SLTM: variants seen among roughly 807,000 people sequenced by gnomAD.
The protein encoded by SLTM is SAFB like transcription modulator.
Under a neutral mutation model 134.6 loss-of-function variants are expected in SLTM, and 43 were observed. The observed-to-expected ratio is 0.32, with a 90% CI of 0.25 to 0.41. SLTM has a LOEUF of 0.41. Ranked by LOEUF, SLTM falls within the 10% of genes least tolerant of loss-of-function variation. SLTM has a pLI of 1.00. For synonymous variants in SLTM, 424 were observed against 432.3 expected (o/e 0.98, Z 0.24); for missense variants, 1,055 against 1,288.8 (o/e 0.82, Z 2.78).
chr15:58,930,033 T>C (rs1359864915), intron 2 of SLTM, among the ~76,000 whole-genome samples: 1 of 152,154 alleles, frequency 6.6e-6, no homozygotes, highest in Non-Finnish European at 1.5e-5. Flanking sequence ...TTCATAACAA[T>C]GATAGCCGGA....
chr15:58,932,475 C>CA, intron 1 of SLTM, 32 bp from the exon 2 acceptor site: 1 of 1,438,080 alleles, frequency 7.0e-7, no homozygotes, highest in Non-Finnish European at 9.8e-7. Context: ...ATATGCTACA[C>CA]AATCTATCTA....
At chr15:58,889,984 G>A in intron 15 of SLTM, 1 of 415,992 alleles carries the variant, frequency 2.4e-6, no homozygotes, top group Non-Finnish European at 4.3e-6. Flanking sequence ...TTCTAAGACT[G>A]GGATAGTGAC....
intron 3 of SLTM, among the ~76,000 whole-genome samples, chr15:58,914,533 G>A (rs2036497894): frequency 6.6e-6 from 1 of 152,184 alleles, no homozygotes; most frequent in African/African-American, 2.4e-5. Context: ...TCCTTGGGGA[G>A]CAGGGGATCT....
In SLTM at chr15:58,912,398, C is replaced by T. The variant is rs561031974; in HGVS notation, c.561+165G>A. 4.6e-5 allele frequency among the ~76,000 whole-genome samples: 7 copies of T among 152,176 alleles called. No individual in the cohort carries two copies. In the South Asian group the frequency reaches 6.2e-4, roughly 14 times the overall value. ...ACAGGCGTGAGCTACCTAGCGCGCCCGACCTTGCCAATAGTTTTAAGTACT... is the reference window on the plus strand; with the variant it reads ...ACAGGCGTGAGCTACCTAGCGCGCCTGACCTTGCCAATAGTTTTAAGTACT... On this transcript the variant is annotated intron_variant, in intron 5 of 20. Coordinates refer to ENST00000380516, the MANE Select transcript of SLTM (RefSeq NM_024755.4).
chr15:58,904,905 T>C (rs2035764965), intron 5 of SLTM, among the ~76,000 whole-genome samples: 1 of 152,104 alleles, frequency 6.6e-6, no homozygotes, highest in Non-Finnish European at 1.5e-5. Flanking sequence ...GAGATGGGGT[T>C]TCACCTTGTT....
rs1310963046 is a variant in SLTM, at chr15:58,899,137, G to C, written c.1059-285C>G. 2.9e-5 allele frequency: 12 copies of C among 419,708 alleles called. No homozygotes were observed. Among genetic ancestry groups the C allele is most frequent in the African/African-American group, 2.3e-4 (11 of 47,206 alleles). The allele number at this position is 419,708 out of a possible 1,614,324, so 26.0% of individuals were successfully genotyped here. A position where few individuals can be genotyped will look rare whatever the true frequency, so the allele number is the denominator to read the frequency against. ...GACTTGACTTCATTTTGTGTTCTTAGAACTGATAGTTGTTCATTAACCATC... is the reference window on the plus strand; with the variant it reads ...GACTTGACTTCATTTTGTGTTCTTACAACTGATAGTTGTTCATTAACCATC... On this transcript the variant is annotated intron_variant, in intron 7 of 20. Transcript: ENST00000380516. This position sits in a 1 kb window ranked among gnomAD's most constrained non-coding sequence, Gnocchi z 5.0.
intron 20 of SLTM, among the ~76,000 whole-genome samples, chr15:58,880,996 C>T (rs950733744): frequency 2.0e-5 from 3 of 151,684 alleles, no homozygotes; most frequent in African/African-American, 7.3e-5. Flanking sequence ...GTTAGTAACA[C>T]AAAAAAGCAG....
intron 2 of SLTM, among the ~76,000 whole-genome samples, chr15:58,921,034 A>G (rs975601919): frequency 2.6e-5 from 4 of 152,214 alleles, no homozygotes; most frequent in African/African-American, 9.6e-5. Context: ...GACAAATTGC[A>G]TAGTATGCAC....
chr15:58,914,319 G>C (rs11636723), intron 3 of SLTM, among the ~76,000 whole-genome samples: 30,331 of 152,196 alleles, frequency 0.2, 3,316 homozygotes, highest in South Asian at 0.43. Context: ...TAAATGAAGA[G>C]AAAAGGGGTG....
At position 58,880,094 on chromosome 15, in the gene SLTM, T is replaced by C. The variant is rs539327477; in HGVS notation, c.3010A>G (p.Ile1004Val). 87 of 1,613,548 alleles carry C rather than the reference T, an allele frequency of 5.4e-5. No homozygotes were observed. Among genetic ancestry groups the C allele is most frequent in the South Asian group, 3.9e-4 (35 of 90,884 alleles). The change falls in exon 21 of 21, where the codon ATT becomes GTT. Residue 1004 changes from isoleucine (I) to valine (V), a missense_variant. Physicochemically the swap from Ile to Val is conservative, Grantham distance 29. Coordinates refer to ENST00000380516, the MANE Select transcript of SLTM (RefSeq NM_024755.4). Reference sequence around the variant, plus strand: ...CCACTGATTTGTACAATTCTATTAATTGGGGATGCGTTACTGAAAAAGGTT... The same window carrying C: ...CCACTGATTTGTACAATTCTATTAACTGGGGATGCGTTACTGAAAAAGGTT... ...ITQHSSNASPINRIVQISGNS... is the reference protein window; with the variant it reads ...ITQHSSNASPVNRIVQISGNS...
At chr15:58,901,547 A>T (rs191332157) in intron 5 of SLTM, among the ~76,000 whole-genome samples, 2 of 152,236 alleles carry the variant, frequency 1.3e-5, no homozygotes, top group African/African-American at 4.8e-5. Context: ...TAGTTTCACT[A>T]TTCAAAACTA....
intron 2 of SLTM, among the ~76,000 whole-genome samples, chr15:58,921,052 G>A (rs977563173): frequency 1.3e-5 from 2 of 152,172 alleles, no homozygotes; most frequent in Non-Finnish European, 2.9e-5. Context: ...CACACTCTGT[G>A]TCGAATTTCT....
chr15:58,894,216 A>G, intron 10 of SLTM, 23 bp from the exon 11 acceptor site: 1 of 1,548,004 alleles, frequency 6.5e-7, no homozygotes, highest in Non-Finnish European at 8.9e-7. Flanking sequence ...AACCAGAAAA[A>G]CAATTTGTAC....
chr15:58,898,291 C>T (rs2035236472), intron 8 of SLTM: 1 of 152,120 alleles, frequency 6.6e-6, no homozygotes, highest in Admixed American at 6.6e-5. Flanking sequence ...GAAACTACAG[C>T]TCATGGGCAT....
chr15:58,916,024 T>TA (rs2036619240), intron 3 of SLTM, among the ~76,000 whole-genome samples: 1 of 152,198 alleles, frequency 6.6e-6, no homozygotes, highest in South Asian at 2.1e-4. Context: ...TCTATAGCTG[T>TA]AGTATATAGA....
chr15:58,882,961 C>T (rs1252255116), intron 20 of SLTM, among the ~76,000 whole-genome samples: 1 of 152,202 alleles, frequency 6.6e-6, no homozygotes, highest in Non-Finnish European at 1.5e-5. Context: ...GTATTTTCTT[C>T]CTAAGAATTT....
intron 4 of SLTM, 70 bp from the exon 5 acceptor site, chr15:58,912,680 T>C (rs1042785817): frequency 1.7e-6 from 2 of 1,203,952 alleles, no homozygotes; most frequent in Non-Finnish European, 2.4e-6. Context: ...CTTTTATGCT[T>C]ACACCTGATT....
chr15:58,896,839 A>G (rs2035116907), intron 9 of SLTM, among the ~76,000 whole-genome samples: 1 of 152,194 alleles, frequency 6.6e-6, no homozygotes, highest in Non-Finnish European at 1.5e-5. Flanking sequence ...ACGTGCTACA[A>G]AGTATCATGA....
chr15:58,889,175 T>G, intron 16 of SLTM: 1 of 348,456 alleles, frequency 2.9e-6, no homozygotes, highest in Non-Finnish European at 5.3e-6. Flanking sequence ...TAATTATTAT[T>G]GAAGCCTACT....
Sources: gnomAD v4.1 joint callset for allele counts (sites outside exome capture counted in the v4.1 genomes callset) on GRCh38, gnomAD v4.1.1 for gene constraint, Gnocchi (gnomAD v3.1) non-coding constraint, MANE v1.5 for transcripts, NCBI Gene and HGNC (gene_info 2026-07-23, HGNC 2026-07-21) for gene names.